Variants in GLIPR1L1 observed in about 807,000 individuals in gnomAD.
GLIPR1L1 encodes the protein GLIPR1 like 1.
In GLIPR1L1, 26 loss-of-function variants were observed where a neutral mutation model predicts 29.9. The observed-to-expected ratio is 0.87, with a 90% CI of 0.64 to 1.21. GLIPR1L1 has a LOEUF of 1.21. Among genes scored for constraint, GLIPR1L1 ranks in the 50% most tolerant of loss-of-function variants. GLIPR1L1 has a pLI of 0.00. For missense variants in GLIPR1L1, 305 were observed against 290.3 expected (o/e 1.05, Z -0.37); for synonymous variants, 77 against 97.5 (o/e 0.79, Z 1.24).
intron 3 of GLIPR1L1, among the ~76,000 whole-genome samples, chr12:75,355,526 A>T (rs1264420833): frequency 6.6e-6 from 1 of 151,908 alleles, no homozygotes; most frequent in East Asian, 1.9e-4. Flanking sequence ...GTTGGTGGGA[A>T]TGTACACTCC....
intron 3 of GLIPR1L1, among the ~76,000 whole-genome samples, chr12:75,354,087 C>T (rs554123530): frequency 2.1e-5 from 3 of 140,424 alleles, no homozygotes; most frequent in Non-Finnish European, 4.6e-5. Flanking sequence ...CAGTATAAGA[C>T]AAAAATGTCC....
chr12:75,370,226 T>C lies in GLIPR1L1; in HGVS notation c.*50T>C. On this transcript the variant is annotated 3_prime_UTR_variant, in exon 6 of 6. Coordinates refer to ENST00000378695, the MANE Select transcript of GLIPR1L1 (RefSeq NM_001304964.2). ...CTCAAATGTTAAAATAAAGGAATAGTTTATTGCTTAATATAACTTATCATC... is the reference window on the plus strand; with the variant it reads ...CTCAAATGTTAAAATAAAGGAATAGCTTATTGCTTAATATAACTTATCATC... 1 of 945,136 alleles carries C rather than the reference T, an allele frequency of 1.1e-6. No homozygotes were observed. Among genetic ancestry groups the C allele is most frequent in the Non-Finnish European group, 1.7e-6 (1 of 588,890 alleles). The allele number at this position is 945,136 out of a possible 1,614,324, so 58.5% of individuals were successfully genotyped here.
rs374482327 is a variant in GLIPR1L1, at chr12:75,339,246, C to T, written c.174+4344C>T. On this transcript the variant is annotated intron_variant, in intron 1 of 5. Transcript: ENST00000378695. ...AATGTAAAAATGTTCCTTTTTTTCC[C>T]GCAACACTGCCAGCACCTGTTTCTG... Among the ~76,000 whole-genome samples the T allele has an allele frequency of 3.2e-4, 49 of 152,128 alleles. 3 individuals are homozygous for T. The South Asian group carries it at 7.5e-3, about 23-fold the overall frequency.
At chr12:75,341,747 CTTTTT>C (rs1185408752) in intron 1 of GLIPR1L1, among the ~76,000 whole-genome samples, 2 of 83,418 alleles carry the variant, frequency 2.4e-5, no homozygotes, top group African/African-American at 5.3e-5. Context: ...CGCCCGGCCT[CTTTTT>C]TTTTTTTTTT....
At chr12:75,357,602 C>T (rs1244650914) in intron 3 of GLIPR1L1, among the ~76,000 whole-genome samples, 1 of 151,950 alleles carries the variant, frequency 6.6e-6, no homozygotes, top group Non-Finnish European at 1.5e-5. Flanking sequence ...AGACCACATG[C>T]TATGTCATAA....
chr12:75,363,878 C>G (rs534565512), intron 4 of GLIPR1L1, among the ~76,000 whole-genome samples: 1 of 152,082 alleles, frequency 6.6e-6, no homozygotes, highest in Non-Finnish European at 1.5e-5. Flanking sequence ...GCAAGATGTA[C>G]ATTAGTTCTG....
chr12:75,369,640 G>A lies in GLIPR1L1; in HGVS notation c.611-320G>A, dbSNP rs1053432092. 5.1e-6 allele frequency: 5 copies of A among 982,834 alleles called. No individual in the cohort carries two copies. The African/African-American group carries it at 5.3e-5, about 10-fold the overall frequency. 60.9% of individuals were successfully genotyped at this position (982,834 alleles called of 1,614,324 possible). ...AAAAAATTCAACATGAAGAAATTACGTTTCTTCAGGGACGTGAATTGGGAA... is the reference window on the plus strand; with the variant it reads ...AAAAAATTCAACATGAAGAAATTACATTTCTTCAGGGACGTGAATTGGGAA... On this transcript the variant is annotated intron_variant, in intron 4 of 5. Coordinates refer to ENST00000378695, the MANE Select transcript of GLIPR1L1 (RefSeq NM_001304964.2).
At chr12:75,361,641 G>A (rs2043600510) in intron 3 of GLIPR1L1, among the ~76,000 whole-genome samples, 1 of 152,210 alleles carries the variant, frequency 6.6e-6, no homozygotes, top group African/African-American at 2.4e-5. Flanking sequence ...ATGACAGAAG[G>A]TGAAGGGGAA....
intron 3 of GLIPR1L1, among the ~76,000 whole-genome samples, chr12:75,350,351 C>G (rs575744111): frequency 6.6e-6 from 1 of 152,280 alleles, no homozygotes; most frequent in East Asian, 1.9e-4. Context: ...AAGGGAAATT[C>G]CTGCTTATTT....
chr12:75,357,114 T>C (rs1298405853), intron 3 of GLIPR1L1, among the ~76,000 whole-genome samples: 1 of 152,184 alleles, frequency 6.6e-6, no homozygotes, highest in Non-Finnish European at 1.5e-5. Flanking sequence ...AAGTAAAGCC[T>C]AGAATTTTGC....
intron 1 of GLIPR1L1, among the ~76,000 whole-genome samples, chr12:75,339,483 G>A (rs1024666207): frequency 1.3e-5 from 2 of 151,958 alleles, no homozygotes; most frequent in South Asian, 2.1e-4. Context: ...TATAGACTCT[G>A]GATATTAGAC....
intron 3 of GLIPR1L1, among the ~76,000 whole-genome samples, chr12:75,358,310 A>C (rs2043288648): frequency 1.3e-5 from 2 of 151,920 alleles, no homozygotes; most frequent in South Asian, 4.1e-4. Context: ...TCACAAACAT[A>C]GGTACAAAAA....
chr12:75,346,850 T>C (rs2042484209), intron 2 of GLIPR1L1, among the ~76,000 whole-genome samples: 1 of 152,134 alleles, frequency 6.6e-6, no homozygotes, highest in Admixed American at 6.6e-5. Flanking sequence ...GATCAGAAAT[T>C]TGTGTTGTTA....
chr12:75,359,637 T>C (rs2043429613), intron 3 of GLIPR1L1, among the ~76,000 whole-genome samples: 1 of 151,984 alleles, frequency 6.6e-6, no homozygotes, highest in Admixed American at 6.6e-5. Context: ...GTTAGACAAA[T>C]AGATTAGTGA....
chr12:75,370,299 T>C lies in GLIPR1L1; in HGVS notation c.*123T>C. ...TCTACACTCTTGCCTGATACCTAAATTTAATGTTTGTTTTTAACTCAAAAA... is the reference window on the plus strand; with the variant it reads ...TCTACACTCTTGCCTGATACCTAAACTTAATGTTTGTTTTTAACTCAAAAA... On this transcript the variant is annotated 3_prime_UTR_variant, in exon 6 of 6. Transcript: ENST00000378695. 1.7e-6 allele frequency: 1 copy of C among 574,640 alleles called. No individual in the cohort carries two copies. Among genetic ancestry groups the C allele is most frequent in the South Asian group, 2.5e-5 (1 of 40,520 alleles). The allele number at this position is 574,640 out of a possible 1,614,324, so 35.6% of individuals were successfully genotyped here.
At chr12:75,335,215 A>G (rs1021303172) in intron 1 of GLIPR1L1, among the ~76,000 whole-genome samples, 1 of 152,028 alleles carries the variant, frequency 6.6e-6, no homozygotes, top group African/African-American at 2.4e-5. Flanking sequence ...TCTTTCTTCC[A>G]TTTTTTAGCT....
intron 3 of GLIPR1L1, 108 bp downstream of exon 3, chr12:75,347,830 C>CT (rs2042558549): frequency 1.9e-6 from 1 of 535,072 alleles, no homozygotes. Context: ...TAAGTAATGA[C>CT]TCCCTCTACA....
intron 3 of GLIPR1L1, among the ~76,000 whole-genome samples, chr12:75,352,890 T>C (rs913019250): frequency 6.6e-6 from 1 of 152,210 alleles, no homozygotes; most frequent in Non-Finnish European, 1.5e-5. Flanking sequence ...TGCTCTTGAA[T>C]GACTCCTGGG....
At chr12:75,347,265 G>C (rs2042516584) in intron 2 of GLIPR1L1, among the ~76,000 whole-genome samples, 1 of 151,990 alleles carries the variant, frequency 6.6e-6, no homozygotes, top group Non-Finnish European at 1.5e-5. Flanking sequence ...TTCATTTATA[G>C]TCTGATTTTC....
Sources: gnomAD v4.1 joint callset for allele counts (sites outside exome capture counted in the v4.1 genomes callset) on GRCh38, gnomAD v4.1.1 for gene constraint, MANE v1.5 for transcripts, NCBI Gene and HGNC (gene_info 2026-07-23, HGNC 2026-07-21) for gene names.